The following ARIH2 variants were observed in gnomAD, a reference collection of about 807,000 sequenced individuals.
The protein encoded by ARIH2 is E3 ubiquitin-protein ligase ARIH2.
In ARIH2, 12 loss-of-function variants were observed where a neutral mutation model predicts 79.8. That is an observed-to-expected ratio of 0.15 (90% confidence interval 0.10 to 0.24). The LOEUF is 0.24. Ranked by LOEUF, ARIH2 falls within the 10% of genes least tolerant of loss-of-function variation. The probability of loss-of-function intolerance (pLI) is 1.00; values close to 1 mark genes in which losing one functional copy is unlikely to be tolerated. For missense variants in ARIH2, 301 were observed against 618.3 expected (o/e 0.49, Z 5.44); for synonymous variants, 224 against 213.9 (o/e 1.05, Z -0.41).
Position 48,967,135 on chromosome 3 carries a change from C to A in ARIH2, c.398C>A (p.Ser133Tyr). The change falls in exon 6 of 16, where the codon TCC becomes TAC. Residue 133 changes from serine to tyrosine, a missense_variant. This residue lies in a region of ARIH2 where 223 missense variants were observed against 349.4 expected (regional missense o/e 0.64). Coordinates refer to ENST00000356401, the MANE Select transcript of ARIH2 (RefSeq NM_006321.4). ...QPNPSKHVPT[S>Y]HPPHHCAVCM... ...TCTGTTTCTCTCCAGGTTCCCACAT[C>A]CCATCCCCCTCACCACTGTGCAGTG... 1 of 1,613,782 alleles carries A rather than the reference C, an allele frequency of 6.2e-7. No individual in the cohort carries two copies. Among genetic ancestry groups the A allele is most frequent in the South Asian group, 1.1e-5 (1 of 91,026 alleles).
At chr3:48,936,371 A>T (rs1439708706) in intron 3 of ARIH2, among the ~76,000 whole-genome samples, 1 of 152,192 alleles carries the variant, frequency 6.6e-6, no homozygotes, top group Non-Finnish European at 1.5e-5. Flanking sequence ...AACTGACATG[A>T]ACTGTCAAAC....
chr3:48,977,509 G>A (rs1013308700), intron 11 of ARIH2, among the ~76,000 whole-genome samples: 4 of 152,034 alleles, frequency 2.6e-5, no homozygotes, highest in Non-Finnish European at 4.4e-5. Context: ...CTGGGCTAGA[G>A]TGCAGTGGTG....
At chr3:48,937,406 A>T in intron 3 of ARIH2, among the ~76,000 whole-genome samples, 1 of 152,266 alleles carries the variant, frequency 6.6e-6, no homozygotes, top group African/African-American at 2.4e-5. Flanking sequence ...CCTTGTTTAC[A>T]TGAATCCCTC....
chr3:48,955,254 T>G (rs2090446723), intron 3 of ARIH2, among the ~76,000 whole-genome samples: 1 of 151,716 alleles, frequency 6.6e-6, no homozygotes, highest in South Asian at 2.1e-4. Context: ...AATCCTCTGG[T>G]TACATGTTGA....
At chr3:48,965,145 G>A (rs925647993) in intron 5 of ARIH2, among the ~76,000 whole-genome samples, 163 bp downstream of exon 5, 2 of 151,770 alleles carry the variant, frequency 1.3e-5, no homozygotes, top group African/African-American at 2.4e-5. Flanking sequence ...ACGAGGTCAG[G>A]AGATCGAGAC....
chr3:48,973,316 G>A (rs1184269819), intron 8 of ARIH2, among the ~76,000 whole-genome samples: 4 of 152,064 alleles, frequency 2.6e-5, no homozygotes, highest in Non-Finnish European at 4.4e-5. Flanking sequence ...GGTGGCTCAC[G>A]CCTGTAATCC....
chr3:48,967,338 T>G lies in ARIH2; in HGVS notation c.538+63T>G. ...AGTGTTTATCTTTGACTCTGCCTTT[T>G]CATGTACTCAAGTAAACTGAGTATT... On this transcript the variant is annotated intron_variant, in intron 6 of 15. Coordinates refer to ENST00000356401, the MANE Select transcript of ARIH2 (RefSeq NM_006321.4). 9 of 1,546,014 alleles carry G rather than the reference T, an allele frequency of 5.8e-6. No individual in the cohort carries two copies. In the South Asian group the frequency reaches 1.1e-4, roughly 18 times the overall value.
At position 48,974,978 on chromosome 3, in the gene ARIH2, C is replaced by T. The variant is rs144016129; in HGVS notation, c.960C>T (p.His320=). ...GACAGCAATGCTCCAAATGTAAACACGGTGAGTTCCAAGCTTGGTGTGTAA... is the reference window on the plus strand; with the variant it reads ...GACAGCAATGCTCCAAATGTAAACATGGTGAGTTCCAAGCTTGGTGTGTAA... ...CNHMQCSKCK[H]DFCWMCLGDW... is the part of the protein sequence containing the mutation. The change falls in exon 11 of 16, where the codon CAC becomes CAT. Residue 320 remains histidine (H), a splice_region_variant and synonymous_variant. Coordinates refer to ENST00000356401, the MANE Select transcript of ARIH2 (RefSeq NM_006321.4). 6.8e-5 allele frequency: 110 copies of T among 1,614,196 alleles called. No individual in the cohort carries two copies. In the African/African-American group the frequency reaches 8.7e-4, roughly 13 times the overall value.
At chr3:48,967,680 A>T (rs759321320) in intron 6 of ARIH2, among the ~76,000 whole-genome samples, 1 of 152,236 alleles carries the variant, frequency 6.6e-6, no homozygotes, top group South Asian at 2.1e-4. Context: ...TGATTTGATG[A>T]TACTGAAACA....
chr3:48,949,206 C>G, intron 3 of ARIH2: 1 of 424,564 alleles, frequency 2.4e-6, no homozygotes, highest in South Asian at 1.7e-5. Context: ...CAAGCTCCAC[C>G]TCCTGGGTTC....
intron 2 of ARIH2, chr3:48,925,287 G>C (rs1181269730): frequency 1.3e-5 from 2 of 150,902 alleles, no homozygotes; most frequent in African/African-American, 2.4e-5. Flanking sequence ...CTAATTTTTT[G>C]TATTTTTAGT....
chr3:48,929,083 G>A (rs994968075), intron 3 of ARIH2, among the ~76,000 whole-genome samples: 19 of 152,154 alleles, frequency 1.2e-4, no homozygotes, highest in Non-Finnish European at 2.9e-5. Context: ...TAGTCATACT[G>A]TCAGGTTATA....
intron 3 of ARIH2, among the ~76,000 whole-genome samples, chr3:48,947,938 TTTTTA>T (rs2089417974): frequency 6.6e-6 from 1 of 152,226 alleles, no homozygotes; most frequent in South Asian, 2.1e-4. Flanking sequence ...CCATTTTATC[TTTTTA>T]TTTTATTTTT....
At chr3:48,975,950 G>A (rs6768433) in intron 11 of ARIH2, among the ~76,000 whole-genome samples, 100,173 of 150,524 alleles carry the variant, frequency 0.67, 33,809 homozygotes, top group East Asian at 0.96. Flanking sequence ...TCAGTCTGTC[G>A]CCCAGGCTGG....
At chr3:48,966,516 TC>T (rs936354218) in intron 5 of ARIH2, among the ~76,000 whole-genome samples, 2 of 148,380 alleles carry the variant, frequency 1.3e-5, no homozygotes, top group Non-Finnish European at 3.0e-5. Context: ...TGTCTCCACA[TC>T]CCCCCCGCCA....
intron 7 of ARIH2, 26 bp downstream of exon 7, chr3:48,968,681 C>T (rs1212387150): frequency 6.3e-7 from 1 of 1,598,264 alleles, no homozygotes; most frequent in Non-Finnish European, 8.6e-7. Context: ...GTTCTGCCCT[C>T]TGTCTTCCCG....
In ARIH2 at chr3:48,926,096, A is replaced by G. The variant is rs369858771; in HGVS notation, c.-97-1366A>G. 1.2e-4 allele frequency among the ~76,000 whole-genome samples: 18 copies of G among 152,264 alleles called. No homozygotes were observed. The East Asian group carries it at 2.5e-3, about 21-fold the overall frequency. On this transcript the variant is annotated intron_variant, in intron 2 of 15. Transcript: ENST00000356401. ...AAATGGTAGTTGTGTAGAAAAGTTA[A>G]TGGGTGTTTGCCACAATCTTCTGTG...
chr3:48,935,231 A>C (rs1303871445), intron 3 of ARIH2, among the ~76,000 whole-genome samples: 1 of 152,234 alleles, frequency 6.6e-6, no homozygotes, highest in Non-Finnish European at 1.5e-5. Flanking sequence ...CAGGAAAAAT[A>C]ACTGTAAACA....
intron 3 of ARIH2, among the ~76,000 whole-genome samples, chr3:48,947,441 C>CAAA (rs71077757): frequency 1.7e-5 from 2 of 118,922 alleles, no homozygotes; most frequent in Non-Finnish European, 1.7e-5. Context: ...AACTCTGTCT[C>CAAA]AAAAAAAAAA....
Sources: gnomAD v4.1 joint callset for allele counts (sites outside exome capture counted in the v4.1 genomes callset) on GRCh38, gnomAD v4.1.1 for gene constraint, gnomAD v4.1.1 regional missense constraint, MANE v1.5 for transcripts, NCBI Gene and HGNC (gene_info 2026-07-23, HGNC 2026-07-21) for gene names.